Variants in RASA1 observed in about 807,000 individuals in gnomAD.
The protein encoded by RASA1 is RAS p21 protein activator 1.
RASA1 carries 25 observed loss-of-function variants against 132.2 expected under a neutral mutation model. The observed-to-expected ratio is 0.19, with a 90% CI of 0.14 to 0.26. The LOEUF (loss-of-function observed/expected upper bound fraction) is 0.26. Ranked by LOEUF, RASA1 falls within the 10% of genes least tolerant of loss-of-function variation. The pLI is 1.00. For missense variants in RASA1, 964 were observed against 1,299.2 expected (o/e 0.74, Z 3.97); for synonymous variants, 477 against 449.9 (o/e 1.06, Z -0.76).
intron 14 of RASA1, 139 bp downstream of exon 14, chr5:87,374,459 A>ATT (rs770426797): frequency 1.5e-3 from 251 of 167,570 alleles, no homozygotes; most frequent in African/African-American, 2.7e-3. Context: ...ATATATATAT[A>ATT]TTTTTTTTTT....
chr5:87,277,217 A>G (rs972336460), intron 1 of RASA1, among the ~76,000 whole-genome samples: 1 of 152,110 alleles, frequency 6.6e-6, no homozygotes, highest in Non-Finnish European at 1.5e-5. Flanking sequence ...GCCCCTTTCC[A>G]TTACGTAGAA....
At chr5:87,386,983 TAGAA>T in intron 23 of RASA1, 80 bp downstream of exon 23, 1 of 1,292,864 alleles carries the variant, frequency 7.7e-7, no homozygotes, top group Non-Finnish European at 1.1e-6. Flanking sequence ...CAGCAATCTT[TAGAA>T]AGATTTTCTA....
At chr5:87,270,646 CTTTT>C (rs70996415) in intron 1 of RASA1, among the ~76,000 whole-genome samples, 28 of 71,752 alleles carry the variant, frequency 3.9e-4, no homozygotes, top group Admixed American at 2.0e-3. Flanking sequence ...GGTGCCCGGC[CTTTT>C]TTTTTTTTTT....
chr5:87,323,666 A>G (rs1756993895), intron 1 of RASA1, among the ~76,000 whole-genome samples: 1 of 152,268 alleles, frequency 6.6e-6, no homozygotes, highest in Non-Finnish European at 1.5e-5. Flanking sequence ...AGTATATTGT[A>G]AAGAATGTTT....
At chr5:87,371,901 C>T (rs968382239) in intron 12 of RASA1, among the ~76,000 whole-genome samples, 6 of 151,912 alleles carry the variant, frequency 3.9e-5, no homozygotes, top group African/African-American at 9.7e-5. Flanking sequence ...AAGATTTATA[C>T]AGAATTACAA....
chr5:87,292,634 A>G (rs566649916), intron 1 of RASA1, among the ~76,000 whole-genome samples: 111 of 152,194 alleles, frequency 7.3e-4, no homozygotes, highest in African/African-American at 2.5e-3. Flanking sequence ...TGGCTATTCT[A>G]GGTCTTTTAC....
chr5:87,270,646 CTTTTTT>C (rs70996415), intron 1 of RASA1, among the ~76,000 whole-genome samples: 12 of 71,774 alleles, frequency 1.7e-4, no homozygotes, highest in African/African-American at 7.1e-4. Flanking sequence ...GGTGCCCGGC[CTTTTTT>C]TTTTTTTTTT....
intron 1 of RASA1, chr5:87,294,446 A>C (rs1349795204): frequency 6.6e-6 from 1 of 152,236 alleles, no homozygotes; most frequent in East Asian, 1.9e-4. Flanking sequence ...GGTAACTGGG[A>C]CTACAAGTGT....
intron 1 of RASA1, among the ~76,000 whole-genome samples, chr5:87,321,631 G>A (rs1046495769): frequency 6.6e-6 from 1 of 152,256 alleles, no homozygotes; most frequent in African/African-American, 2.4e-5. Flanking sequence ...AGGTCTGGAT[G>A]CCATAGGGCA....
chr5:87,288,190 C>CAT (rs369198772), intron 1 of RASA1, among the ~76,000 whole-genome samples: 11 of 144,024 alleles, frequency 7.6e-5, no homozygotes, highest in South Asian at 2.2e-4. Flanking sequence ...ATATATATAC[C>CAT]ATATATATAT....
chr5:87,364,291 T>C (rs1387331194), intron 11 of RASA1, among the ~76,000 whole-genome samples: 1 of 152,174 alleles, frequency 6.6e-6, no homozygotes, highest in African/African-American at 2.4e-5. Context: ...GTAAAATATA[T>C]AGCCTTGTCA....
chr5:87,291,478 C>T (rs555442822), intron 1 of RASA1, among the ~76,000 whole-genome samples: 4 of 152,274 alleles, frequency 2.6e-5, no homozygotes, highest in African/African-American at 9.6e-5. Flanking sequence ...CTGCAGTGAG[C>T]TATGATTGTG....
chr5:87,378,461 G>A lies in RASA1; in HGVS notation c.2410G>A (p.Ala804Thr), dbSNP rs2112495606. 1 of 1,611,836 alleles carries A rather than the reference G, an allele frequency of 6.2e-7. No individual in the cohort carries two copies. Among genetic ancestry groups the A allele is most frequent in the Non-Finnish European group, 8.5e-7 (1 of 1,178,020 alleles). Residue 804 changes from alanine to threonine, a missense_variant, in exon 18 of 25, where the codon GCC becomes ACC. Physicochemically the swap from Ala to Thr is moderately conservative, Grantham distance 58. Around this residue, in one of 6 missense-constraint regions of RASA1, gnomAD observed 346 missense variants for 520.1 expected, o/e 0.67. Coordinates refer to ENST00000274376, the MANE Select transcript of RASA1 (RefSeq NM_002890.3). ...ASTLMEQYMKATATQFVHHAL... is the reference protein window; with the variant it reads ...ASTLMEQYMKTTATQFVHHAL... ...CACCTTGATGGAGCAGTATATGAAA[G>A]CCACTGCTACACAGTTTGTTCATCA... is the stretch of plus-strand genomic sequence containing the variant.
chr5:87,303,624 T>G (rs945930557), intron 1 of RASA1, among the ~76,000 whole-genome samples: 7 of 152,072 alleles, frequency 4.6e-5, no homozygotes, highest in Non-Finnish European at 1.0e-4. Flanking sequence ...TTTAGTTCCC[T>G]TGAGAGAACA....
intron 5 of RASA1, among the ~76,000 whole-genome samples, chr5:87,341,022 A>C (rs997417747): frequency 6.6e-6 from 1 of 151,830 alleles, no homozygotes; most frequent in Non-Finnish European, 1.5e-5. Context: ...TGATGTATCC[A>C]GATTAGAGTG....
intron 2 of RASA1, 57 bp from the exon 3 acceptor site, chr5:87,332,450 A>G (rs1580282383): frequency 9.3e-6 from 14 of 1,512,690 alleles, no homozygotes; most frequent in Non-Finnish European, 1.2e-5. Context: ...ATAAAACTTG[A>G]TTTTTAAAAT....
intron 7 of RASA1, 133 bp from the exon 8 acceptor site, chr5:87,349,081 T>TAA: frequency 4.2e-5 from 43 of 1,029,516 alleles, no homozygotes; most frequent in Non-Finnish European, 5.5e-5. Context: ...GAAATTATCT[T>TAA]AAAAAAAAAA....
chr5:87,338,517 A>C (rs1251397203), intron 5 of RASA1, among the ~76,000 whole-genome samples: 1 of 99,302 alleles, frequency 1.0e-5, no homozygotes, highest in African/African-American at 3.8e-5. Flanking sequence ...ATATATATAT[A>C]TATATATATA....
intron 6 of RASA1, among the ~76,000 whole-genome samples, chr5:87,343,736 A>G (rs911953858): frequency 2.6e-5 from 4 of 152,204 alleles, no homozygotes; most frequent in African/African-American, 9.6e-5. Context: ...TCCAAAAGAA[A>G]GGAAATCAGT....
Sources: allele counts gnomAD v4.1 joint callset (sites outside exome capture counted in the v4.1 genomes callset), GRCh38; gene constraint gnomAD v4.1.1; regional missense constraint gnomAD v4.1.1; transcripts MANE v1.5; gene names NCBI Gene and HGNC (gene_info 2026-07-23, HGNC 2026-07-21).